Variants in IQSEC1 observed in about 807,000 individuals in gnomAD.
The protein encoded by IQSEC1 is IQ motif and Sec7 domain ArfGEF 1.
A neutral mutation model predicts 91.0 loss-of-function variants in IQSEC1; 31 were observed. The ratio of observed to expected loss-of-function variants is 0.34; its 90% CI spans 0.26 to 0.46. The LOEUF (loss-of-function observed/expected upper bound fraction) is 0.46, where lower values mean the gene tolerates loss of function less well. Among genes scored for constraint, IQSEC1 ranks in the 20% least tolerant of loss-of-function variants. The pLI, the probability that IQSEC1 is intolerant of heterozygous loss-of-function variation, is 1.00. For missense variants in IQSEC1, 1,388 were observed against 1,575.6 expected, an observed-to-expected ratio of 0.88 and a Z score of 2.02; for synonymous variants, 699 against 662.6, an observed-to-expected ratio of 1.05 and a Z score of -0.84.
chr3:13,032,806 A>G (rs918494219), intron 1 of IQSEC1, among the ~76,000 whole-genome samples: 6 of 152,096 alleles, frequency 3.9e-5, no homozygotes, highest in African/African-American at 1.2e-4. Context: ...GGATGGTCTC[A>G]ATCTCCTGAC....
intron 3 of IQSEC1, among the ~76,000 whole-genome samples, chr3:12,925,906 C>T (rs1043399704): frequency 9.9e-5 from 15 of 152,234 alleles, no homozygotes; most frequent in South Asian, 6.2e-4. Context: ...TGTGGCACTC[C>T]GGCCGTGTGA....
chr3:13,109,599 G>GT (rs1706206981), intron 2 of IQSEC1, among the ~76,000 whole-genome samples: 1 of 152,046 alleles, frequency 6.6e-6, no homozygotes, highest in Non-Finnish European at 1.5e-5. Flanking sequence ...CTTCCTGATA[G>GT]TGAGTTCTGG....
chr3:12,903,768 G>A (rs1411302555), intron 12 of IQSEC1, among the ~76,000 whole-genome samples: 2 of 152,080 alleles, frequency 1.3e-5, no homozygotes, highest in Non-Finnish European at 2.9e-5. Context: ...TGGGAAGAGG[G>A]AGAGAGAAAC....
intron 2 of IQSEC1, among the ~76,000 whole-genome samples, chr3:13,093,469 C>T (rs1437171897): frequency 2.0e-5 from 3 of 152,152 alleles, no homozygotes; most frequent in Non-Finnish European, 4.4e-5. Context: ...CTGGGCTCCA[C>T]CTCCTGCCAT....
At position 13,008,945 on chromosome 3, in the gene IQSEC1, G is replaced by T. The variant is rs1702753441; in HGVS notation, c.23+64047C>A. ...CCATTTTCCAGATAAGGCAATGGAG[G>T]CCCAGAGAAGTGAAGTGACTTGCAC... On this transcript the variant is annotated intron_variant, in intron 1 of 13. Coordinates refer to ENST00000613206, the MANE Select transcript of IQSEC1 (RefSeq NM_001134382.3). The surrounding 1 kb of genome is among the most constrained non-coding windows in gnomAD (Gnocchi z 4.1). Among the ~76,000 whole-genome samples, 1 of 152,194 alleles carries T rather than the reference G, an allele frequency of 6.6e-6. No homozygotes were observed. The highest frequency in any genetic ancestry group is 2.1e-4 in the South Asian group (1 of 4,828).
rs1163966347 is a variant in IQSEC1 at position 12,900,271 on chromosome 3, T to G, written c.*712A>C. The G allele has an allele frequency of 2.0e-6, 2 of 985,042 alleles. No individual in the cohort carries two copies. Among genetic ancestry groups the G allele is most frequent in the Non-Finnish European group, 2.4e-6 (2 of 829,738 alleles). The allele number at this position is 985,042 out of a possible 1,614,324, so 61.0% of individuals were successfully genotyped here. A position where few individuals can be genotyped will look rare whatever the true frequency, so the allele number is the denominator to read the frequency against. The stretch of plus-strand genomic sequence containing the variant: ...AGATTTTAGCCAGTCCTAGAGGGAC[T>G]TCTTTGTATGAAAATATGAAGTATC... On this transcript the variant is annotated 3_prime_UTR_variant, in exon 14 of 14. Coordinates refer to ENST00000613206, the MANE Select transcript of IQSEC1 (RefSeq NM_001134382.3).
At chr3:13,052,066 T>A (rs911387658) in intron 1 of IQSEC1, among the ~76,000 whole-genome samples, 1 of 152,200 alleles carries the variant, frequency 6.6e-6, no homozygotes, top group Non-Finnish European at 1.5e-5. Flanking sequence ...CCACTGGGCC[T>A]ATGGGGACTT....
intron 2 of IQSEC1, among the ~76,000 whole-genome samples, chr3:13,147,781 T>C (rs919675378): frequency 1.3e-5 from 2 of 152,194 alleles, no homozygotes; most frequent in African/African-American, 4.8e-5. Flanking sequence ...CACAGGCGCA[T>C]GCCACCACAT....
chr3:13,119,600 A>G (rs6777291), intron 2 of IQSEC1, among the ~76,000 whole-genome samples: 6,033 of 152,338 alleles, frequency 0.04, 352 homozygotes, highest in African/African-American at 0.13. Flanking sequence ...AGGAAATAAA[A>G]CTTGAAATCT....
At chr3:12,902,922 T>C (rs1164261081) in intron 12 of IQSEC1, 100 bp from the exon 13 acceptor site, 1 of 908,434 alleles carries the variant, frequency 1.1e-6, no homozygotes, top group African/African-American at 1.6e-5. Context: ...GCACCCCTGC[T>C]GGGAGCAGGC....
At chr3:12,929,894 C>A (rs1042165759) in intron 3 of IQSEC1, among the ~76,000 whole-genome samples, 2 of 152,370 alleles carry the variant, frequency 1.3e-5, no homozygotes, top group African/African-American at 4.8e-5. Context: ...TTAGCTGCCT[C>A]CTCTAAAGCT....
At chr3:13,161,667 G>A (rs1379341565) in intron 2 of IQSEC1, among the ~76,000 whole-genome samples, 1 of 152,220 alleles carries the variant, frequency 6.6e-6, no homozygotes, top group Admixed American at 6.5e-5. Context: ...AGTCACATCT[G>A]ACCCCAGCAT....
chr3:13,218,881 A>AC (rs1694599522), intron 1 of IQSEC1, among the ~76,000 whole-genome samples: 1 of 151,900 alleles, frequency 6.6e-6, no homozygotes, highest in Admixed American at 6.6e-5. Flanking sequence ...CGCCACCTCT[A>AC]CCCCCAGAGG....
At chr3:13,055,254 C>T (rs941048444) in intron 1 of IQSEC1, among the ~76,000 whole-genome samples, 3 of 152,250 alleles carry the variant, frequency 2.0e-5, no homozygotes, top group Non-Finnish European at 2.9e-5. Flanking sequence ...TCAGTGAGGT[C>T]TTCCTGGACA....
At chr3:13,022,295 G>C (rs1703435968) in intron 1 of IQSEC1, 1 of 1,215,098 alleles carries the variant, frequency 8.2e-7, no homozygotes, top group Non-Finnish European at 1.0e-6. Flanking sequence ...CCACTGCAGG[G>C]CTGAGCCACA....
chr3:13,016,402 C>G (rs1192880049), intron 1 of IQSEC1, among the ~76,000 whole-genome samples: 1 of 152,252 alleles, frequency 6.6e-6, no homozygotes, highest in Admixed American at 6.5e-5. Flanking sequence ...CAACGCCCCA[C>G]CACTCCCTCT....
chr3:13,014,667 C>A (rs538593335), intron 1 of IQSEC1, among the ~76,000 whole-genome samples: 109 of 152,080 alleles, frequency 7.2e-4, no homozygotes, highest in African/African-American at 2.6e-3. Flanking sequence ...GAGGCTGGGT[C>A]GGTAAAAGCT....
intron 1 of IQSEC1, among the ~76,000 whole-genome samples, chr3:13,263,439 G>GGGGGGGA (rs1553581065): frequency 1.7e-4 from 18 of 107,192 alleles, no homozygotes; most frequent in African/African-American, 3.7e-4. Context: ...GGGGGGGGGG[G>GGGGGGGA]AAAGTACCTG....
At chr3:13,192,486 C>T (rs11918822) in intron 1 of IQSEC1, among the ~76,000 whole-genome samples, 2,801 of 152,236 alleles carry the variant, frequency 0.018, 77 homozygotes, top group African/African-American at 0.063. Context: ...CACGCAGGGA[C>T]GGACGACGTG....
Sources: allele counts gnomAD v4.1 joint callset (sites outside exome capture counted in the v4.1 genomes callset), GRCh38; gene constraint gnomAD v4.1.1; non-coding constraint Gnocchi (gnomAD v3.1); transcripts MANE v1.5; gene names NCBI Gene and HGNC (gene_info 2026-07-23, HGNC 2026-07-21).